The following MTFMT variants were observed in gnomAD, a reference collection of about 807,000 sequenced individuals.
The protein encoded by MTFMT is methionyl-tRNA formyltransferase, mitochondrial.
A neutral mutation model predicts 51.8 loss-of-function variants in MTFMT; 47 were observed. The observed-to-expected ratio is 0.91, with a 90% CI of 0.72 to 1.16. The LOEUF (loss-of-function observed/expected upper bound fraction) is 1.16. Among genes scored for constraint, MTFMT ranks in the 50% most tolerant of loss-of-function variants. The pLI, the probability that MTFMT is intolerant of heterozygous loss-of-function variation, is 0.00. For missense variants in MTFMT, 512 were observed against 482.3 expected (o/e 1.06, Z -0.58); for synonymous variants, 196 against 176.7 (o/e 1.11, Z -0.87).
At position 65,012,745 on chromosome 15, in the gene MTFMT, C is replaced by G. The variant is rs544810577; in HGVS notation, c.813+3691G>C. ...GATTCTAATGAGCTATAGCCAGTAC[C>G]ACACTATCTTGGTTACTGTAGTTTT... On this transcript the variant is annotated intron_variant, in intron 6 of 8. Transcript: ENST00000220058. Among the ~76,000 whole-genome samples the G allele has an allele frequency of 7.7e-4, 118 of 152,266 alleles. 1 individual carries two copies. Among genetic ancestry groups the G allele is most frequent in the African/African-American group, 2.8e-3 (117 of 41,550 alleles).
intron 3 of MTFMT, among the ~76,000 whole-genome samples, 164 bp downstream of exon 3, chr15:65,023,505 GGTT>G (rs2140487541): frequency 6.6e-6 from 1 of 151,232 alleles, no homozygotes; most frequent in East Asian, 1.9e-4. Flanking sequence ...AAAGACATAT[GGTT>G]TATGTTAGAA....
rs747706634 is a variant in MTFMT at position 65,004,868 on chromosome 15, A to G, written c.961T>C (p.Leu321=). 9 of 1,602,614 alleles carry G rather than the reference A, an allele frequency of 5.6e-6. No homozygotes were observed. In the African/African-American group the frequency reaches 8.0e-5, roughly 14 times the overall value. The change falls in exon 8 of 9, where the codon TTG becomes CTG. Residue 321 remains leucine (L), a synonymous_variant. Transcript: ENST00000220058. ...VIYHKQSQIL[L]VYCKDGWIGV... is the part of the protein sequence containing the mutation. ...GAAAAACATACCTTGCAATAAACCA[A>G]TAGTATTTGTGACTGTTTGTGGTAT...
intron 6 of MTFMT, 24 bp from the exon 7 acceptor site, chr15:65,006,215 A>G (rs1408238518): frequency 1.3e-6 from 2 of 1,585,888 alleles, no homozygotes; most frequent in Non-Finnish European, 8.6e-7. Flanking sequence ...TAAAGAAGGT[A>G]TGATAAAGGA....
intron 6 of MTFMT, among the ~76,000 whole-genome samples, chr15:65,011,647 C>A (rs897550913): frequency 1.3e-5 from 2 of 151,754 alleles, no homozygotes; most frequent in African/African-American, 4.8e-5. Context: ...CAGGTGTGCA[C>A]CATGATGCCC....
chr15:65,025,146 A>C (rs2086410361), intron 2 of MTFMT, among the ~76,000 whole-genome samples: 1 of 151,846 alleles, frequency 6.6e-6, no homozygotes, highest in Non-Finnish European at 1.5e-5. Flanking sequence ...TGTAATCCCA[A>C]AACTTTGGGA....
intron 6 of MTFMT, among the ~76,000 whole-genome samples, chr15:65,010,337 A>G (rs2086253421): frequency 6.9e-6 from 1 of 144,450 alleles, no homozygotes; most frequent in African/African-American, 2.6e-5. Flanking sequence ...AATTTTTAGA[A>G]CATTTTCATT....
chr15:65,029,320 G>T (rs1397117226), intron 1 of MTFMT, 85 bp downstream of exon 1: 1 of 1,330,338 alleles, frequency 7.5e-7, no homozygotes, highest in African/African-American at 1.5e-5. Flanking sequence ...TCCGCAACCA[G>T]AAGTCCAAAA....
At chr15:65,004,561 C>T (rs767940907) in intron 8 of MTFMT, among the ~76,000 whole-genome samples, 1 of 152,136 alleles carries the variant, frequency 6.6e-6, no homozygotes, top group African/African-American at 2.4e-5. Flanking sequence ...TTTTATGTTA[C>T]CAAGCACAAG....
intron 5 of MTFMT, among the ~76,000 whole-genome samples, chr15:65,017,781 G>A (rs540815345): frequency 6.6e-6 from 1 of 151,670 alleles, no homozygotes; most frequent in Admixed American, 6.6e-5. Context: ...CTGGGTAACA[G>A]AGACCCTATC....
rs2086370667 is a variant in MTFMT, at chr15:65,021,141, AG to A, written c.645+372del. Reference sequence around the variant, plus strand: ...AGTGCAAATGACTGAAGCCAGGCAAAGAAATGGAAGGAAAGCTAAGAGTCGC... The same window carrying A: ...AGTGCAAATGACTGAAGCCAGGCAAAAAATGGAAGGAAAGCTAAGAGTCGC... On this transcript the variant is annotated intron_variant, in intron 4 of 8. Coordinates refer to ENST00000220058, the MANE Select transcript of MTFMT (RefSeq NM_139242.4). 3.3e-5 allele frequency among the ~76,000 whole-genome samples: 5 copies of A among 152,364 alleles called. No individual in the cohort carries two copies. In the South Asian group the frequency reaches 1.0e-3, roughly 32 times the overall value.
rs532715418 is a variant in MTFMT at position 65,002,225 on chromosome 15, C to T, written c.*837G>A. 1 of 151,598 alleles carries T rather than the reference C, an allele frequency of 6.6e-6. No individual in the cohort carries two copies. Among genetic ancestry groups the T allele is most frequent in the Non-Finnish European group, 1.5e-5 (1 of 67,898 alleles). The allele number at this position is 151,598 out of a possible 1,614,324, so 9.4% of individuals were successfully genotyped here. On this transcript the variant is annotated 3_prime_UTR_variant, in exon 9 of 9. Coordinates refer to ENST00000220058, the MANE Select transcript of MTFMT (RefSeq NM_139242.4). ...CATCCTGGCTAACACAGTGAAACCC[C>T]ATCTCTACTAAAAATACAAAAAAAA... is the stretch of plus-strand genomic sequence containing the variant.
rs1425437076 is a variant in MTFMT at position 65,029,547 on chromosome 15, T to C, written c.67A>G (p.Ser23Gly). The change falls in exon 1 of 9, where the codon AGT becomes GGT. Residue 23 changes from serine to glycine, a missense_variant. Transcript: ENST00000220058. ...CGGGCCAGTGCTCGCCACTGGGGAC[T>C]CGGCCTCCCACGCCTGGCGCCATGA... ...LAHGARRGRP[S>G]PQWRALARLG... The C allele has an allele frequency of 2.6e-6, 4 of 1,510,416 alleles. No individual in the cohort carries two copies. In the African/African-American group the frequency reaches 4.3e-5, roughly 16 times the overall value. 93.6% of individuals were successfully genotyped at this position (1,510,416 alleles called of 1,614,324 possible). A position where few individuals can be genotyped will look rare whatever the true frequency, so the allele number is the denominator to read the frequency against.
rs907009786 is a variant in MTFMT, at chr15:65,001,993, TAA to T, written c.*1067_*1068del. On this transcript the variant is annotated 3_prime_UTR_variant, in exon 9 of 9. Coordinates refer to ENST00000220058, the MANE Select transcript of MTFMT (RefSeq NM_139242.4). ...GTTAAATCTAGCTGGTAGTGAAATG[TAA>T]AGAGCTGGATTTACTACTTATAGGA... is the stretch of plus-strand genomic sequence containing the variant. 4 of 152,212 alleles carry T rather than the reference TAA, an allele frequency of 2.6e-5. No homozygotes were observed. The highest frequency in any genetic ancestry group is 5.9e-5 in the Non-Finnish European group (4 of 68,038). 9.4% of individuals were successfully genotyped at this position (152,212 alleles called of 1,614,324 possible).
chr15:65,011,335 A>G (rs142357496), intron 6 of MTFMT, among the ~76,000 whole-genome samples: 1 of 152,182 alleles, frequency 6.6e-6, no homozygotes, highest in East Asian at 1.9e-4. Context: ...AAACAAACAA[A>G]AAAGAAATGT....
At chr15:65,023,117 A>C (rs1442666575) in intron 3 of MTFMT, among the ~76,000 whole-genome samples, 1 of 152,170 alleles carries the variant, frequency 6.6e-6, no homozygotes, top group African/African-American at 2.4e-5. Context: ...TTCTTTTCTA[A>C]GGGGAAATTA....
intron 4 of MTFMT, among the ~76,000 whole-genome samples, chr15:65,021,026 G>A (rs1031090184): frequency 1.3e-5 from 2 of 152,148 alleles, no homozygotes; most frequent in Non-Finnish European, 2.9e-5. Flanking sequence ...CATTTACCCA[G>A]ACTCTACTCA....
intron 1 of MTFMT, among the ~76,000 whole-genome samples, chr15:65,028,625 G>A (rs2140492686): frequency 6.6e-6 from 1 of 152,130 alleles, no homozygotes; most frequent in African/African-American, 2.4e-5. Context: ...GTAGGGAAAA[G>A]GAGATGGAGA....
In MTFMT at chr15:65,003,164, T is replaced by C. The variant is rs766927248; in HGVS notation, c.1068A>G (p.Lys356=). Residue 356 remains lysine (K), a synonymous_variant, in exon 9 of 9, where the codon AAA becomes AAG. Transcript: ENST00000220058. ...ATTGGCTTGGTTGAGCTTGGGAATTTTTCTGGTACCAGGGGTGCAAATATC... is the reference window on the plus strand; with the variant it reads ...ATTGGCTTGGTTGAGCTTGGGAATTCTTCTGGTACCAGGGGTGCAAATATC... ...YNGYLHPWYQ[K]NSQAQPSQCR... is the part of the protein sequence containing the mutation. 3.8e-5 allele frequency: 62 copies of C among 1,613,732 alleles called. 1 individual carries two copies. The South Asian group carries it at 6.6e-4, about 17-fold the overall frequency.
At chr15:65,029,377 C>T (rs1338645311) in intron 1 of MTFMT, 28 bp downstream of exon 1, 1 of 1,433,612 alleles carries the variant, frequency 7.0e-7, no homozygotes, top group Non-Finnish European at 9.1e-7. Context: ...CTTCAGCGGC[C>T]GGGTCCCCGG....
Sources: gnomAD v4.1 joint callset for allele counts (sites outside exome capture counted in the v4.1 genomes callset) on GRCh38, gnomAD v4.1.1 for gene constraint, MANE v1.5 for transcripts, NCBI Gene and HGNC (gene_info 2026-07-23, HGNC 2026-07-21) for gene names.